The following SLC50A1 variants were observed in gnomAD, a reference collection of about 807,000 sequenced individuals.
SLC50A1 encodes the protein solute carrier family 50 member 1.
A neutral mutation model predicts 28.9 loss-of-function variants in SLC50A1; 22 were observed. The observed-to-expected ratio is 0.76, with a 90% CI of 0.54 to 1.09. SLC50A1 has a LOEUF of 1.09. SLC50A1 is among the 50% of genes least tolerant of loss of function. The pLI is 0.00. For missense variants in SLC50A1, 233 were observed against 273.4 expected (o/e 0.85, Z 1.04); for synonymous variants, 96 against 110.6 (o/e 0.87, Z 0.83).
chr1:155,136,242 C>A, intron 1 of SLC50A1, 57 bp from the exon 2 acceptor site: 1 of 1,243,124 alleles, frequency 8.0e-7, no homozygotes, highest in Non-Finnish European at 1.2e-6. Context: ...GCATCCCCCT[C>A]TAGCACTCTG....
At chr1:155,137,852 G>A in intron 4 of SLC50A1, 127 bp from the exon 5 acceptor site, 1 of 1,580,926 alleles carries the variant, frequency 6.3e-7, no homozygotes. Context: ...AAGTGGGCGA[G>A]TGGGAGGCAG....
In SLC50A1 at chr1:155,136,939, C is replaced by G. The variant is rs559588448; in HGVS notation, c.270C>G (p.Tyr90Ter). 2.5e-6 allele frequency: 4 copies of G among 1,614,118 alleles called. No homozygotes were observed. Among genetic ancestry groups the G allele is most frequent in the Non-Finnish European group, 2.5e-6 (3 of 1,179,974 alleles). ...TGTATATCTTGGCATATCTGCATTA[C>G]TGCCCTCGGAAGGTAGAGGCCCTCC... is the stretch of plus-strand genomic sequence containing the variant. ...QTLYILAYLH[Y>*]CPRKRVVLLQ... is the part of the protein sequence containing the mutation. The change falls in exon 3 of 6, where the codon TAC becomes TAG. Residue 90 changes from tyrosine (Y) to a stop codon, truncating the protein, a stop_gained. Transcript: ENST00000368404. LOFTEE classifies it high-confidence loss of function.
At chr1:155,137,061 G>A (rs1044217229) in intron 3 of SLC50A1, 110 bp downstream of exon 3, 2 of 1,434,626 alleles carry the variant, frequency 1.4e-6, no homozygotes, top group Non-Finnish European at 9.5e-7. Context: ...CCTTTTCCAG[G>A]AAGGCCTCTC....
intron 5 of SLC50A1, 30 bp downstream of exon 5, chr1:155,138,128 G>A: frequency 1.2e-6 from 2 of 1,614,194 alleles, no homozygotes. Flanking sequence ...GGTGACAGGG[G>A]TGCAAGATGG....
In SLC50A1 at chr1:155,137,702, C is replaced by T; in HGVS notation, c.424C>T (p.Leu142Phe). The T allele has an allele frequency of 6.2e-7, 1 of 1,614,164 alleles. No individual in the cohort carries two copies. The highest frequency in any genetic ancestry group is 8.5e-7 in the Non-Finnish European group (1 of 1,180,030). The change falls in exon 4 of 6, where the codon CTC becomes TTC. Residue 142 changes from leucine (L) to phenylalanine (F), a missense_variant. Leu to Phe is a conservative substitution (Grantham distance 22). Coordinates refer to ENST00000368404, the MANE Select transcript of SLC50A1 (RefSeq NM_018845.4). Reference sequence around the variant, plus strand: ...CAGTGTCTTCACCATCAGCATGTACCTCTCACCACTGGCTGACTTGGTGAG... The same window carrying T: ...CAGTGTCTTCACCATCAGCATGTACTTCTCACCACTGGCTGACTTGGTGAG... ...FCSVFTISMY[L>F]SPLADLAKVI...
chr1:155,137,007 G>A, intron 3 of SLC50A1, 56 bp downstream of exon 3: 4 of 1,595,804 alleles, frequency 2.5e-6, no homozygotes, highest in Non-Finnish European at 3.4e-6. Context: ...TTGCTGGCAG[G>A]GCAAACACTA....
At chr1:155,135,682 T>TCC (rs1571690565), upstream of SLC50A1, 1 of 1,549,986 alleles carries the variant, frequency 6.5e-7, no homozygotes. Flanking sequence ...ATGGAAGAGG[T>TCC]CTGGACCAGG....
Position 155,138,238 on chromosome 1 carries a change from AC to A in SLC50A1, c.628del (p.Gln210ArgfsTer68), listed in dbSNP as rs1471074648. The A allele has an allele frequency of 6.2e-7, 1 of 1,614,086 alleles. No individual in the cohort carries two copies. The highest frequency in any genetic ancestry group is 8.5e-7 in the Non-Finnish European group (1 of 1,180,006). On this transcript the variant is annotated frameshift_variant, in exon 6 of 6. Transcript: ENST00000368404. LOFTEE classifies it high-confidence loss of function. ...SFIRFWLFWKYPQEQDRNYWL... is the reference protein window; with the variant it reads ...SFIRFWLFWKXPQEQDRNYWL... ...ATCCGCTTCTGGCTTTTCTGGAAGT[AC>A]CCCCAGGAGCAAGACAGGAACTACT...
At chr1:155,137,771 A>G (rs1664576693) in intron 4 of SLC50A1, 49 bp downstream of exon 4, 1 of 1,607,740 alleles carries the variant, frequency 6.2e-7, no homozygotes, top group Non-Finnish European at 8.5e-7. Context: ...TCAGGCTCTC[A>G]TAGCCAAATA....
In SLC50A1 at chr1:155,138,316, A is replaced by C. The variant is rs1465015473; in HGVS notation, c.*35A>C. 6 of 1,598,870 alleles carry C rather than the reference A, an allele frequency of 3.8e-6. No homozygotes were observed. In the African/African-American group the frequency reaches 4.0e-5, roughly 11 times the overall value. On this transcript the variant is annotated 3_prime_UTR_variant, in exon 6 of 6. Transcript: ENST00000368404. ...TCTGACCACTGGGCACCTTAGTGCC[A>C]ACCTGAACCAAAGAGACCTCCTTGT...
chr1:155,136,267 C>T (rs568701917), intron 1 of SLC50A1, 32 bp from the exon 2 acceptor site: 3 of 1,413,464 alleles, frequency 2.1e-6, no homozygotes, highest in Non-Finnish European at 3.0e-6. Flanking sequence ...TCCCTTCCCA[C>T]CCCCACCCCT....
rs200590297 is a variant in SLC50A1 at position 155,135,871 on chromosome 1, C to T, written c.-41C>T. ...TGCAGTAGGTCCCGGCAACCGCAGGCTCGCGGCGGGCGCTGGGCGCGGGAT... is the reference window on the plus strand; with the variant it reads ...TGCAGTAGGTCCCGGCAACCGCAGGTTCGCGGCGGGCGCTGGGCGCGGGAT... On this transcript the variant is annotated 5_prime_UTR_variant, in exon 1 of 6. Transcript: ENST00000368404. 3,288 of 1,610,546 alleles carry T rather than the reference C, an allele frequency of 2.0e-3. 39 individuals carry two copies. The highest frequency in any genetic ancestry group is 0.019 in the South Asian group (1,755 of 90,834).
At chr1:155,135,601 A>AGGCAGAG, upstream of SLC50A1, 4 of 1,550,052 alleles carry the variant, frequency 2.6e-6, no homozygotes, top group Non-Finnish European at 3.5e-6. Context: ...TCCAAGGGGT[A>AGGCAGAG]GGCAGAGTGT....
chr1:155,136,793 C>T, intron 2 of SLC50A1, 35 bp from the exon 3 acceptor site: 1 of 1,613,470 alleles, frequency 6.2e-7, no homozygotes, highest in Non-Finnish European at 8.5e-7. Flanking sequence ...TCACACTGAA[C>T]CCTTTGAGCC....
Position 155,137,628 on chromosome 1 carries a change from T to A in SLC50A1, c.350T>A (p.Leu117His). The A allele has an allele frequency of 1.9e-6, 3 of 1,614,202 alleles. No individual in the cohort carries two copies. Among genetic ancestry groups the A allele is most frequent in the Non-Finnish European group, 2.5e-6 (3 of 1,180,008 alleles). Residue 117 changes from leucine to histidine, a missense_variant, in exon 4 of 6, where the codon CTC becomes CAC. Physicochemically the swap from Leu to His is moderately conservative, Grantham distance 99. Coordinates refer to ENST00000368404, the MANE Select transcript of SLC50A1 (RefSeq NM_018845.4). ...VLLLGYGYFWLLVPNPEARLQ... is the reference protein window; with the variant it reads ...VLLLGYGYFWHLVPNPEARLQ... ...CTCCTGGGTTATGGCTACTTTTGGC[T>A]CCTGGTACCCAACCCTGAGGCCCGG...
In SLC50A1 at chr1:155,138,650, C is replaced by T. The variant is rs1311177125; in HGVS notation, c.*369C>T. 2 of 200,786 alleles carry T rather than the reference C, an allele frequency of 1.0e-5. No individual in the cohort carries two copies. Among genetic ancestry groups the T allele is most frequent in the East Asian group, 2.4e-4 (2 of 8,448 alleles). 12.4% of individuals were successfully genotyped at this position (200,786 alleles called of 1,614,324 possible). A position where few individuals can be genotyped will look rare whatever the true frequency, so the allele number is the denominator to read the frequency against. On this transcript the variant is annotated 3_prime_UTR_variant, in exon 6 of 6. Transcript: ENST00000368404. The stretch of plus-strand genomic sequence containing the variant: ...GACCAACCTGACTAACATGGTGAAA[C>T]CCCATCTCTACTAAAAATACAAAAT...
intron 1 of SLC50A1, 94 bp downstream of exon 1, chr1:155,136,085 G>A (rs1664436673): frequency 2.0e-6 from 3 of 1,470,388 alleles, no homozygotes; most frequent in Non-Finnish European, 2.8e-6. Flanking sequence ...TGGCTCGTCC[G>A]GAACCGGGAT....
Position 155,138,523 on chromosome 1 carries a change from C to G in SLC50A1, c.*242C>G, listed in dbSNP as rs887937788. 18 of 522,122 alleles carry G rather than the reference C, an allele frequency of 3.4e-5. No homozygotes were observed. The highest frequency in any genetic ancestry group is 3.4e-4 in the African/African-American group (18 of 52,256). 32.3% of individuals were successfully genotyped at this position (522,122 alleles called of 1,614,324 possible). On this transcript the variant is annotated 3_prime_UTR_variant, in exon 6 of 6. Coordinates refer to ENST00000368404, the MANE Select transcript of SLC50A1 (RefSeq NM_018845.4). ...TTAATTTTGGAGGTTGGGGTGCAAT[C>G]TTTAGAATATGCCTTAAAAGGCCGG...
At chr1:155,138,128 G>T (rs1230554917) in intron 5 of SLC50A1, 30 bp downstream of exon 5, 1 of 1,614,076 alleles carries the variant, frequency 6.2e-7, no homozygotes, top group Non-Finnish European at 8.5e-7. Flanking sequence ...GGTGACAGGG[G>T]TGCAAGATGG....
Sources: gnomAD v4.1 joint callset for allele counts on GRCh38, gnomAD v4.1.1 for gene constraint, MANE v1.5 for transcripts, NCBI Gene and HGNC (gene_info 2026-07-23, HGNC 2026-07-21) for gene names.